Variants in ATG7 observed in about 807,000 individuals in gnomAD.
ATG7 encodes ubiquitin-like modifier-activating enzyme ATG7.
In ATG7, 70 loss-of-function variants were observed where a neutral mutation model predicts 82.4. The ratio of observed to expected loss-of-function variants is 0.85; its 90% CI spans 0.70 to 1.04. ATG7 has a LOEUF of 1.04. Ranked by LOEUF, ATG7 falls within the 50% of genes least tolerant of loss-of-function variation. ATG7 has a pLI of 0.00. For synonymous variants in ATG7, 287 were observed against 313.0 expected (o/e 0.92, Z 0.88); for missense variants, 792 against 864.3 (o/e 0.92, Z 1.05).
chr3:11,317,584 CTTTTTTTTTTTT>C (rs370026914), intron 9 of ATG7, among the ~76,000 whole-genome samples: 21 of 114,474 alleles, frequency 1.8e-4, no homozygotes, highest in African/African-American at 6.1e-4. Flanking sequence ...TTCTTTCTTT[CTTTTTTTTTTTT>C]TTTTTTTTGT....
chr3:11,387,048 T>C (rs17534941), intron 19 of ATG7, among the ~76,000 whole-genome samples: 5,152 of 152,350 alleles, frequency 0.034, 131 homozygotes, highest in Non-Finnish European at 0.054. Flanking sequence ...CAGTTCCCTG[T>C]GGCCAAGTAC....
At chr3:11,340,791 C>A in intron 12 of ATG7, 56 bp downstream of exon 12, 1 of 1,475,556 alleles carries the variant, frequency 6.8e-7, no homozygotes, top group Non-Finnish European at 9.4e-7. Flanking sequence ...AGACACACAC[C>A]AAGTTCTGTC....
chr3:11,381,472 A>C (rs2077893535), intron 19 of ATG7, among the ~76,000 whole-genome samples: 1 of 152,224 alleles, frequency 6.6e-6, no homozygotes, highest in African/African-American at 2.4e-5. Flanking sequence ...GCAAACACTC[A>C]TTCATTCTTG....
In ATG7 at chr3:11,459,061, C is replaced by G. The variant is rs181379627; in HGVS notation, c.2079+32135C>G. Among the ~76,000 whole-genome samples the G allele has an allele frequency of 5.1e-3, 768 of 152,066 alleles. 5 individuals carry two copies. Among genetic ancestry groups the G allele is most frequent in the Middle Eastern group, 6.8e-3 (2 of 294 alleles). ...AAAAATTGTCTTCCTCAAGACTGGT[C>G]CCTGGTGTCAGAAAAGTTTGGGACT... On this transcript the variant is annotated intron_variant, in intron 20 of 20. Coordinates refer to ENST00000693202, the MANE Select transcript of ATG7 (RefSeq NM_001349232.2).
intron 20 of ATG7, among the ~76,000 whole-genome samples, chr3:11,534,717 C>T (rs777834683): frequency 1.2e-4 from 18 of 152,208 alleles, no homozygotes; most frequent in South Asian, 4.1e-4. Context: ...CACAGTGGGA[C>T]GCTGCTCCCT....
intron 20 of ATG7, among the ~76,000 whole-genome samples, chr3:11,552,598 C>T (rs893621803): frequency 1.3e-5 from 2 of 152,146 alleles, no homozygotes; most frequent in East Asian, 1.9e-4. Context: ...GCCAATGGGA[C>T]GAAGCCAGTG....
At chr3:11,465,548 C>T (rs1420092872) in intron 20 of ATG7, among the ~76,000 whole-genome samples, 1 of 151,626 alleles carries the variant, frequency 6.6e-6, no homozygotes, top group East Asian at 1.9e-4. Flanking sequence ...AGTGTGAGAC[C>T]AGCCTGGGCG....
chr3:11,376,221 T>TG (rs753597754), intron 18 of ATG7, among the ~76,000 whole-genome samples: 1 of 152,152 alleles, frequency 6.6e-6, no homozygotes, highest in Admixed American at 6.5e-5. Context: ...GGGTTTCTTT[T>TG]GGGGGTGATG....
At chr3:11,372,782 AGTTG>A (rs1414473448) in intron 18 of ATG7, among the ~76,000 whole-genome samples, 2 of 150,836 alleles carry the variant, frequency 1.3e-5, no homozygotes, top group Non-Finnish European at 3.0e-5. Flanking sequence ...CTAGCTACAA[AGTTG>A]GTAGGTAAGG....
At chr3:11,451,339 G>A (rs1326044498) in intron 20 of ATG7, among the ~76,000 whole-genome samples, 1 of 151,868 alleles carries the variant, frequency 6.6e-6, no homozygotes, top group East Asian at 1.9e-4. Flanking sequence ...AGCCTCCTGA[G>A]TAGCTGGCAC....
chr3:11,497,562 C>T (rs922436845), intron 20 of ATG7, among the ~76,000 whole-genome samples: 1 of 148,004 alleles, frequency 6.8e-6, no homozygotes, highest in Non-Finnish European at 1.5e-5. Context: ...AAAATTCTGT[C>T]CCCCTATTTC....
At chr3:11,562,951 G>C in the ATG7 span, among the ~76,000 whole-genome samples, 2 of 152,342 alleles carry the variant, frequency 1.3e-5, no homozygotes, top group Admixed American at 1.3e-4. Flanking sequence ...CGTGTGCCGT[G>C]GGCAGCCAGG....
chr3:11,565,126 C>T, the ATG7 span: 1 of 1,144,632 alleles, frequency 8.7e-7, no homozygotes, highest in East Asian at 3.2e-5. This position sits in a 1 kb window ranked among gnomAD's most constrained non-coding sequence, Gnocchi z 4.1. Flanking sequence ...TACCCTGAAG[C>T]TCAGGTCGTG....
At chr3:11,359,790 C>T (rs1335677391) in intron 15 of ATG7, among the ~76,000 whole-genome samples, 1 of 151,678 alleles carries the variant, frequency 6.6e-6, no homozygotes, top group Non-Finnish European at 1.5e-5. Context: ...ACTGGGATAC[C>T]AAAAAAATTC....
chr3:11,430,398 G>A (rs550428813), intron 20 of ATG7, among the ~76,000 whole-genome samples: 15 of 151,974 alleles, frequency 9.9e-5, no homozygotes, highest in Non-Finnish European at 1.3e-4. Context: ...TTCTCAATGC[G>A]TTTACAGGTG....
At chr3:11,425,246 GAGCCATCGTGC>G (rs2082267736) in intron 19 of ATG7, among the ~76,000 whole-genome samples, 1 of 152,170 alleles carries the variant, frequency 6.6e-6, no homozygotes, top group African/African-American at 2.4e-5. Context: ...TTACAGGCAT[GAGCCATCGTGC>G]CTGGCCCAAA....
Position 11,347,989 on chromosome 3 carries a change from A to G in ATG7, c.1238A>G (p.Lys413Arg). ...FEDCLGGGKP[K>R]ALAAADRLQK... is the part of the protein sequence containing the mutation. ...GATTGCCTAGGGGGTGGTAAGCCCAAGGCTCTGGCAGCAGCGGACCGGCTC... is the reference window on the plus strand; with the variant it reads ...GATTGCCTAGGGGGTGGTAAGCCCAGGGCTCTGGCAGCAGCGGACCGGCTC... Residue 413 changes from lysine (K) to arginine (R), a missense_variant, in exon 14 of 21, where the codon AAG becomes AGG. Transcript: ENST00000693202. The G allele has an allele frequency of 6.2e-7, 1 of 1,614,114 alleles. No homozygotes were observed. Among genetic ancestry groups the G allele is most frequent in the Non-Finnish European group, 8.5e-7 (1 of 1,179,956 alleles).
chr3:11,517,113 G>A (rs2092304311), intron 20 of ATG7, among the ~76,000 whole-genome samples: 2 of 151,914 alleles, frequency 1.3e-5, no homozygotes, highest in South Asian at 4.1e-4. Flanking sequence ...AGTGAAAGAA[G>A]CCAATCTGAA....
intron 20 of ATG7, among the ~76,000 whole-genome samples, chr3:11,500,797 AT>A (rs1332864389): frequency 6.6e-6 from 1 of 152,128 alleles, no homozygotes; most frequent in Non-Finnish European, 1.5e-5. Context: ...CACCCAGCTA[AT>A]TTTTGTATTT....
Sources: gnomAD v4.1 joint callset for allele counts (sites outside exome capture counted in the v4.1 genomes callset) on GRCh38, gnomAD v4.1.1 for gene constraint, Gnocchi (gnomAD v3.1) non-coding constraint, MANE v1.5 for transcripts, NCBI Gene and HGNC (gene_info 2026-07-23, HGNC 2026-07-21) for gene names.